The following UBE2E2 variants were observed in gnomAD, a reference collection of about 807,000 sequenced individuals.
UBE2E2 encodes ubiquitin conjugating enzyme E2 E2.
Under a neutral mutation model 24.7 loss-of-function variants are expected in UBE2E2, and 6 were observed. The observed-to-expected ratio is 0.24, with a 90% CI of 0.13 to 0.48. UBE2E2 has a LOEUF of 0.48. Ranked by LOEUF, UBE2E2 falls within the 20% of genes least tolerant of loss-of-function variation. The pLI is 0.99. For synonymous variants in UBE2E2, 104 were observed against 83.6 expected (o/e 1.24, Z -1.33); for missense variants, 169 against 245.0 (o/e 0.69, Z 2.07).
At chr3:23,274,338 C>T (rs1023540303) in intron 3 of UBE2E2, among the ~76,000 whole-genome samples, 16 of 152,110 alleles carry the variant, frequency 1.1e-4, no homozygotes, top group Admixed American at 9.8e-4. Context: ...GACCCCCTTC[C>T]TTTCCTGGAA....
At chr3:23,534,079 C>T (rs1226021592) in intron 5 of UBE2E2, 3 of 515,356 alleles carry the variant, frequency 5.8e-6, no homozygotes, top group Admixed American at 1.3e-4. Context: ...TTGTCTGTGA[C>T]TGTGTATAAC....
At chr3:23,232,633 A>G (rs570318095) in intron 3 of UBE2E2, among the ~76,000 whole-genome samples, 17 of 152,284 alleles carry the variant, frequency 1.1e-4, no homozygotes, top group Admixed American at 1.0e-3. Context: ...TTTCCTTCCT[A>G]CATATAAATG....
At chr3:23,333,575 G>GA (rs1227412963) in intron 3 of UBE2E2, among the ~76,000 whole-genome samples, 5 of 152,112 alleles carry the variant, frequency 3.3e-5, no homozygotes, top group East Asian at 3.9e-4. Context: ...ACCTGCAAGA[G>GA]AAAAAATTAA....
chr3:23,284,462 G>T (rs1002131560), intron 3 of UBE2E2, among the ~76,000 whole-genome samples: 2 of 152,020 alleles, frequency 1.3e-5, no homozygotes, highest in African/African-American at 4.8e-5. Flanking sequence ...TCTTTGGGGA[G>T]CACTCCCCAA....
In UBE2E2 at chr3:23,246,222, A is replaced by ATTTTTTTTTTT. The variant is rs398051684; in HGVS notation, c.227+28915_227+28925dup. ...AGGTGTATGCCACCATGCGTGGCTA[A>ATTTTTTTTTTT]TTTTTTTTTTTTTTTCGAGATGGAG... is the stretch of plus-strand genomic sequence containing the variant. On this transcript the variant is annotated intron_variant, in intron 3 of 5. Transcript: ENST00000396703. Among the ~76,000 whole-genome samples, 79 of 102,220 alleles carry ATTTTTTTTTTT rather than the reference A, an allele frequency of 7.7e-4. 16 individuals carry two copies. The highest frequency in any genetic ancestry group is 5.3e-3 in the Middle Eastern group (1 of 190). 67.1% of individuals were successfully genotyped at this position (102,220 alleles called of 152,430 possible).
chr3:23,561,222 T>C (rs2125504720), intron 5 of UBE2E2, among the ~76,000 whole-genome samples: 1 of 152,332 alleles, frequency 6.6e-6, no homozygotes, highest in African/African-American at 2.4e-5. Flanking sequence ...GTTTAAGTCT[T>C]TAATCCATCT....
intron 3 of UBE2E2, among the ~76,000 whole-genome samples, chr3:23,319,638 T>C (rs71317834): frequency 0.053 from 7,815 of 146,378 alleles, 309 homozygotes; most frequent in Non-Finnish European, 0.069. Context: ...CATTGTGAAA[T>C]CCCGTCTCTA....
chr3:23,283,409 A>T (rs1698530881), intron 3 of UBE2E2, among the ~76,000 whole-genome samples: 1 of 152,132 alleles, frequency 6.6e-6, no homozygotes, highest in Admixed American at 6.6e-5. Context: ...ATGCCATATC[A>T]TACACGTATG....
intron 3 of UBE2E2, among the ~76,000 whole-genome samples, chr3:23,373,141 C>A (rs1696437971): frequency 6.6e-6 from 1 of 152,138 alleles, no homozygotes; most frequent in South Asian, 2.1e-4. Flanking sequence ...AAACTGTCTC[C>A]CCTGAACAGT....
intron 3 of UBE2E2, among the ~76,000 whole-genome samples, chr3:23,469,938 T>G (rs1698998663): frequency 6.6e-6 from 1 of 152,220 alleles, no homozygotes; most frequent in Non-Finnish European, 1.5e-5. Context: ...GAATAAGGGT[T>G]TACAATGCCT....
chr3:23,357,231 G>T (rs1214342383), intron 3 of UBE2E2, among the ~76,000 whole-genome samples: 1 of 152,196 alleles, frequency 6.6e-6, no homozygotes, highest in Non-Finnish European at 1.5e-5. Context: ...TTTGGGCAGT[G>T]TAAGGTTTTT....
chr3:23,242,366 CTTGT>C (rs1359147937), intron 3 of UBE2E2, among the ~76,000 whole-genome samples: 1 of 151,104 alleles, frequency 6.6e-6, no homozygotes, highest in Non-Finnish European at 1.5e-5. Context: ...ATCCTTTTAT[CTTGT>C]TTGTTTTTTT....
intron 3 of UBE2E2, among the ~76,000 whole-genome samples, chr3:23,424,439 G>GTTT (rs35712816): frequency 9.8e-5 from 14 of 143,240 alleles, no homozygotes; most frequent in South Asian, 6.6e-4. Context: ...AAACACCTTT[G>GTTT]TTTTTTTTTT....
At chr3:23,499,964 C>T (rs576982086) in intron 4 of UBE2E2, among the ~76,000 whole-genome samples, 9 of 152,038 alleles carry the variant, frequency 5.9e-5, no homozygotes, top group African/African-American at 1.9e-4. Flanking sequence ...CCTTTTTCTC[C>T]TCATTATCTC....
At chr3:23,569,350 A>G (rs1027539260) in intron 5 of UBE2E2, among the ~76,000 whole-genome samples, 2 of 152,184 alleles carry the variant, frequency 1.3e-5, no homozygotes, top group Admixed American at 6.5e-5. Context: ...AGTAACTGCT[A>G]ATGGGTACAG....
At chr3:23,455,947 A>G (rs955845102) in intron 3 of UBE2E2, among the ~76,000 whole-genome samples, 2 of 152,272 alleles carry the variant, frequency 1.3e-5, no homozygotes, top group Admixed American at 6.5e-5. Flanking sequence ...GTTTGGCAGT[A>G]TTTTACCCAC....
chr3:23,513,571 C>T (rs968121681), intron 4 of UBE2E2, among the ~76,000 whole-genome samples: 3 of 151,940 alleles, frequency 2.0e-5, no homozygotes, highest in African/African-American at 7.3e-5. Context: ...GGGATAAATT[C>T]CTAGAAGTGG....
chr3:23,313,721 C>G (rs1040928553), intron 3 of UBE2E2, among the ~76,000 whole-genome samples: 7 of 152,002 alleles, frequency 4.6e-5, no homozygotes, highest in African/African-American at 1.7e-4. Context: ...CTCTGTGTCT[C>G]TTGATTGGAG....
chr3:23,303,366 C>T (rs1447694427), intron 3 of UBE2E2, among the ~76,000 whole-genome samples: 1 of 152,074 alleles, frequency 6.6e-6, no homozygotes, highest in African/African-American at 2.4e-5. Flanking sequence ...AAACCACTCC[C>T]CTCAACCCGG....
Sources: allele counts gnomAD v4.1 joint callset (sites outside exome capture counted in the v4.1 genomes callset), GRCh38; gene constraint gnomAD v4.1.1; transcripts MANE v1.5; gene names NCBI Gene and HGNC (gene_info 2026-07-23, HGNC 2026-07-21).